NRDE2: variants seen among roughly 807,000 people sequenced by gnomAD.
NRDE2 encodes the protein NRDE-2, necessary for RNA interference, domain containing, also known as nuclear exosome regulator NRDE2.
Under a neutral mutation model 124.2 loss-of-function variants are expected in NRDE2, and 76 were observed. The observed-to-expected ratio is 0.61, with a 90% CI of 0.51 to 0.74. The LOEUF (loss-of-function observed/expected upper bound fraction) is 0.74, where lower values mean the gene tolerates loss of function less well. NRDE2 is among the 30% of genes least tolerant of loss of function. The pLI, the probability that NRDE2 is intolerant of heterozygous loss-of-function variation, is 0.00. For synonymous variants in NRDE2, 489 were observed against 528.1 expected (o/e 0.93, Z 1.01); for missense variants, 1,314 against 1,417.3 (o/e 0.93, Z 1.17).
At position 90,276,460 on chromosome 14, in the gene NRDE2, C is replaced by G. The variant is rs1891807614; in HGVS notation, c.*1876G>C. The G allele has an allele frequency of 6.6e-6, 1 of 152,128 alleles. No homozygotes were observed. Among genetic ancestry groups the G allele is most frequent in the Non-Finnish European group, 1.5e-5 (1 of 68,062 alleles). 9.4% of individuals were successfully genotyped at this position (152,128 alleles called of 1,614,324 possible). On this transcript the variant is annotated 3_prime_UTR_variant, in exon 14 of 14. Transcript: ENST00000354366. ...GGTCTCGATCTCCTGACCTCGTGAT[C>G]CGTCCGCCTCGGCCTCCCAAAGTGC...
chr14:90,287,188 TA>T (rs1356583751), intron 11 of NRDE2, among the ~76,000 whole-genome samples: 1 of 149,724 alleles, frequency 6.7e-6, no homozygotes, highest in Non-Finnish European at 1.5e-5. Flanking sequence ...ATGGAAGAAA[TA>T]AAAAACAAGT....
At chr14:90,303,842 C>G in intron 5 of NRDE2, 93 bp downstream of exon 5, 14 of 1,146,650 alleles carry the variant, frequency 1.2e-5, no homozygotes, top group Non-Finnish European at 1.7e-5. Context: ...GTCAAATTTC[C>G]TCATTTGCTC....
At position 90,304,395 on chromosome 14, in the gene NRDE2, A is replaced by G; in HGVS notation, c.558-13T>C. 6.4e-7 allele frequency: 1 copy of G among 1,564,656 alleles called. No individual in the cohort carries two copies. Among genetic ancestry groups the G allele is most frequent in the Non-Finnish European group, 8.6e-7 (1 of 1,159,154 alleles). The stretch of plus-strand genomic sequence containing the variant: ...TTTCCTCTTGTATCTGATATTAGAA[A>G]AAGAAAAAAAGTTACTGAGGGAATA... On this transcript the variant is annotated splice_polypyrimidine_tract_variant and intron_variant, in intron 4 of 13. Coordinates refer to ENST00000354366, the MANE Select transcript of NRDE2 (RefSeq NM_017970.4).
rs1334493371 is a variant in NRDE2, at chr14:90,303,032, GCTT to G, written c.1096_1098del (p.Lys366del). ...TCAATGGCCCGCTCCAGAATGGCCA[GCTT>G]CTTCTCCAGAATGAGCTTCAGGGAC... On this transcript the variant is annotated inframe_deletion, in exon 6 of 14. Coordinates refer to ENST00000354366, the MANE Select transcript of NRDE2 (RefSeq NM_017970.4). 3 of 1,614,004 alleles carry G rather than the reference GCTT, an allele frequency of 1.9e-6. No homozygotes were observed. The highest frequency in any genetic ancestry group is 2.5e-6 in the Non-Finnish European group (3 of 1,180,036).
In NRDE2 at chr14:90,278,157, C is replaced by A; in HGVS notation, c.*179G>T. 1.6e-6 allele frequency: 1 copy of A among 635,614 alleles called. No homozygotes were observed. The highest frequency in any genetic ancestry group is 2.7e-6 in the Non-Finnish European group (1 of 371,138). The allele number at this position is 635,614 out of a possible 1,614,324, so 39.4% of individuals were successfully genotyped here. ...TATAATATGTAAATAACTTTTGTGT[C>A]ATTTACACACCCAAAAAGTGTGCAA... On this transcript the variant is annotated 3_prime_UTR_variant, in exon 14 of 14. Transcript: ENST00000354366.
rs369261711 is a variant in NRDE2, at chr14:90,278,341, C to T, written c.3490G>A (p.Asp1164Asn). 6.2e-7 allele frequency: 1 copy of T among 1,614,122 alleles called. No homozygotes were observed. The highest frequency in any genetic ancestry group is 2.2e-5 in the East Asian group (1 of 44,882). Residue 1164 changes from aspartate (D) to asparagine (N), a missense_variant, in exon 14 of 14, where the codon GAT (aspartate) becomes AAT (asparagine). Transcript: ENST00000354366. ...PLEELELLLE[D>N] ...GCCCGTTTTCCCGCTGCTCTCTAAT[C>T]CTCCAGCAGCAGCTCCAGCTCCTCC...
At chr14:90,287,033 CAAAAAAAAAAAAAAAA>C (rs60863011) in intron 11 of NRDE2, among the ~76,000 whole-genome samples, 28 of 23,816 alleles carry the variant, frequency 1.2e-3, no homozygotes, top group Admixed American at 2.5e-3. Context: ...GACTCCGTCT[CAAAAAAAAAAAAAAAA>C]AAAAAAAAAA....
intron 3 of NRDE2, 64 bp downstream of exon 3, chr14:90,316,514 C>T (rs1244376827): frequency 1.7e-6 from 2 of 1,152,670 alleles, no homozygotes; most frequent in Admixed American, 4.3e-5. Context: ...TAATTTGCGG[C>T]AACAATTAAG....
At chr14:90,316,489 G>A in intron 3 of NRDE2, 89 bp downstream of exon 3, 4 of 893,448 alleles carry the variant, frequency 4.5e-6, no homozygotes, top group Non-Finnish European at 7.1e-6. Context: ...GTGACTAAAT[G>A]GTTATTCAAA....
At chr14:90,292,654 G>T in intron 9 of NRDE2, 43 bp downstream of exon 9, 1 of 1,584,032 alleles carries the variant, frequency 6.3e-7, no homozygotes. Flanking sequence ...AAGCAGGCAG[G>T]GACCCCCTGG....
intron 10 of NRDE2, 131 bp from the exon 11 acceptor site, chr14:90,289,276 C>A (rs1892205528): frequency 2.9e-6 from 2 of 690,382 alleles, no homozygotes; most frequent in Admixed American, 2.8e-5. Flanking sequence ...CTGGTAAACA[C>A]TGAGGCTCTC....
At chr14:90,298,903 G>GA (rs1884283740) in intron 7 of NRDE2, among the ~76,000 whole-genome samples, 1 of 152,166 alleles carries the variant, frequency 6.6e-6, no homozygotes. Context: ...GACAGACCAT[G>GA]AGCTACGTGA....
chr14:90,286,251 C>A, intron 12 of NRDE2, 103 bp downstream of exon 12: 1 of 1,325,210 alleles, frequency 7.5e-7, no homozygotes. Flanking sequence ...GGCCTCCCAG[C>A]TCTCCTGGGC....
chr14:90,279,115 C>CT lies in NRDE2; in HGVS notation c.3315dup (p.Glu1106ArgfsTer31), dbSNP rs772323272. The CT allele has an allele frequency of 1.2e-6, 2 of 1,611,962 alleles. No homozygotes were observed. The highest frequency in any genetic ancestry group is 1.7e-6 in the Non-Finnish European group (2 of 1,178,060). On this transcript the variant is annotated frameshift_variant, in exon 13 of 14. Transcript: ENST00000354366. LOFTEE classifies it high-confidence loss of function. ...TTGTAGAATACACCTTTGCTTCTTT[C>CT]TTTATTTCCTAAGGAAACCTGAGGT...
intron 1 of NRDE2, among the ~76,000 whole-genome samples, chr14:90,321,515 A>G (rs959445065): frequency 2.0e-5 from 3 of 148,556 alleles, no homozygotes; most frequent in Non-Finnish European, 4.5e-5. Context: ...AGTTCAAACG[A>G]GCCTGGGCAA....
rs1227950068 is a variant in NRDE2 at position 90,304,282 on chromosome 14, C to A, written c.658G>T (p.Val220Phe). 1.2e-6 allele frequency: 2 copies of A among 1,614,134 alleles called. No homozygotes were observed. Among genetic ancestry groups the A allele is most frequent in the Admixed American group, 1.7e-5 (1 of 60,018 alleles). ...STEKKHSRKQ[V>F]ERYFTKKSVG... ...CTCTTCTTAGTAAAATAGCGTTCAA[C>A]CTGCTTGCGTGAATGCTTCTTCTCT... The change falls in exon 5 of 14, where the codon GTT (valine) becomes TTT (phenylalanine). Residue 220 changes from valine to phenylalanine, a missense_variant. By Grantham distance (50) the Val-to-Phe change is conservative (BLOSUM62 -1). Coordinates refer to ENST00000354366, the MANE Select transcript of NRDE2 (RefSeq NM_017970.4).
intron 10 of NRDE2, among the ~76,000 whole-genome samples, chr14:90,289,830 C>T (rs939825525): frequency 7.2e-5 from 11 of 152,188 alleles, no homozygotes; most frequent in Non-Finnish European, 1.5e-4. Flanking sequence ...TCAGGTGATC[C>T]GCCCGCCTCG....
At chr14:90,317,349 A>C (rs544136022) in intron 2 of NRDE2, among the ~76,000 whole-genome samples, 2 of 152,380 alleles carry the variant, frequency 1.3e-5, no homozygotes, top group African/African-American at 4.8e-5. Context: ...AAAAAAACCA[A>C]AACATTTAAT....
At chr14:90,285,005 G>A (rs1474549197) in intron 12 of NRDE2, among the ~76,000 whole-genome samples, 4 of 152,012 alleles carry the variant, frequency 2.6e-5, no homozygotes, top group African/African-American at 7.2e-5. Flanking sequence ...TAGGCCGGGC[G>A]CAGTGGCTCA....
Sources: gnomAD v4.1 joint callset for allele counts (sites outside exome capture counted in the v4.1 genomes callset) on GRCh38, gnomAD v4.1.1 for gene constraint, MANE v1.5 for transcripts, NCBI Gene and HGNC (gene_info 2026-07-23, HGNC 2026-07-21) for gene names.